The following PHF14 variants were observed in gnomAD, a reference collection of about 807,000 sequenced individuals.
PHF14 encodes PHD finger protein 14.
Under a neutral mutation model 117.9 loss-of-function variants are expected in PHF14, and 55 were observed. The observed-to-expected ratio is 0.47, with a 90% CI of 0.38 to 0.58. PHF14 has a LOEUF of 0.58. Among genes scored for constraint, PHF14 ranks in the 20% least tolerant of loss-of-function variants. PHF14 has a pLI of 0.00. For missense variants in PHF14, 978 were observed against 1,122.2 expected, an observed-to-expected ratio of 0.87 and a Z score of 1.84; for synonymous variants, 409 against 368.6, an observed-to-expected ratio of 1.11 and a Z score of -1.26.
At chr7:11,036,865 A>G in intron 9 of PHF14, 120 bp from the exon 10 acceptor site, 4 of 936,260 alleles carry the variant, frequency 4.3e-6, no homozygotes, top group Admixed American at 5.7e-5. Context: ...TTTATTTGTA[A>G]ATATACTTAA....
intron 16 of PHF14, chr7:11,104,049 A>G: frequency 3.0e-6 from 3 of 984,754 alleles, no homozygotes; most frequent in Non-Finnish European, 3.6e-6. Context: ...AGTGGAATAT[A>G]CTAATCCATT....
chr7:10,988,037 AAG>A (rs1782288786), intron 3 of PHF14, among the ~76,000 whole-genome samples: 1 of 151,596 alleles, frequency 6.6e-6, no homozygotes, highest in Non-Finnish European at 1.5e-5. Flanking sequence ...AAAAAAGAAA[AAG>A]AAAAAAAAGA....
chr7:11,070,204 A>G (rs1012017097), intron 16 of PHF14, among the ~76,000 whole-genome samples: 1 of 151,462 alleles, frequency 6.6e-6, no homozygotes, highest in Non-Finnish European at 1.5e-5. Flanking sequence ...CAGCCTCCTT[A>G]GTAGCTGTGA....
At chr7:11,005,328 T>C (rs1251629515) in intron 4 of PHF14, among the ~76,000 whole-genome samples, 1 of 152,200 alleles carries the variant, frequency 6.6e-6, no homozygotes, top group Non-Finnish European at 1.5e-5. Flanking sequence ...TGTAAAGAAA[T>C]TCTCTTCCCC....
intron 10 of PHF14, among the ~76,000 whole-genome samples, chr7:11,037,781 G>A (rs1221322839): frequency 2.0e-5 from 3 of 152,136 alleles, no homozygotes; most frequent in East Asian, 1.9e-4. Flanking sequence ...TAGGAAGTAC[G>A]TTTCCAATAA....
At chr7:11,122,402 T>C (rs1348690058) in intron 17 of PHF14, among the ~76,000 whole-genome samples, 26 of 118,470 alleles carry the variant, frequency 2.2e-4, no homozygotes, top group Admixed American at 4.7e-4. Context: ...CACACACATA[T>C]ATATATACAC....
intron 6 of PHF14, among the ~76,000 whole-genome samples, chr7:11,024,869 T>C (rs1349996733): frequency 1.3e-5 from 2 of 152,264 alleles, no homozygotes; most frequent in African/African-American, 4.8e-5. Flanking sequence ...AGGAGTCATT[T>C]TGACTTTAAA....
rs140788376 is a variant in PHF14, at chr7:11,156,178, A to C, written c.2773-13238A>C. ...ATAAAAGCAAAGTAGTAGCTAAGAC[A>C]TAACCAGTAAATCCAAGATGTGGAA... On this transcript the variant is annotated intron_variant, in intron 17 of 17. Coordinates refer to ENST00000634607, the MANE Select transcript of PHF14 (RefSeq NM_001007157.2). Among the ~76,000 whole-genome samples the C allele has an allele frequency of 1.2e-3, 184 of 152,342 alleles. 2 individuals are homozygous for C. Among genetic ancestry groups the C allele is most frequent in the African/African-American group, 4.4e-3 (181 of 41,590 alleles).
intron 4 of PHF14, among the ~76,000 whole-genome samples, chr7:11,004,926 A>G (rs1375592740): frequency 1.3e-5 from 2 of 152,040 alleles, no homozygotes; most frequent in Admixed American, 6.6e-5. Context: ...CTGAGGCACA[A>G]GAATAGCTTG....
chr7:11,097,333 A>G (rs1786915275), intron 16 of PHF14, among the ~76,000 whole-genome samples: 1 of 152,188 alleles, frequency 6.6e-6, no homozygotes, highest in Non-Finnish European at 1.5e-5. Context: ...GAGAATTATT[A>G]TGACACCTAA....
At chr7:11,165,481 A>T (rs139032478) in intron 17 of PHF14, among the ~76,000 whole-genome samples, 3,015 of 152,334 alleles carry the variant, frequency 0.02, 43 homozygotes, top group Non-Finnish European at 0.031. Flanking sequence ...TATAAAGAAT[A>T]GGGAGAGTTG....
intron 16 of PHF14, chr7:11,105,029 T>C (rs1289100187): frequency 3.3e-6 from 3 of 895,642 alleles, no homozygotes; most frequent in African/African-American, 3.6e-5. Context: ...TTATAAAATT[T>C]AGTTAAATGT....
chr7:11,103,209 ATTT>A, intron 16 of PHF14: 1 of 957,580 alleles, frequency 1.0e-6, no homozygotes, highest in Non-Finnish European at 1.2e-6. Context: ...TTAGCATGAA[ATTT>A]TTACTTCAGA....
intron 7 of PHF14, among the ~76,000 whole-genome samples, chr7:11,033,836 C>G (rs1017021964): frequency 6.6e-6 from 1 of 152,090 alleles, no homozygotes; most frequent in Non-Finnish European, 1.5e-5. Context: ...ATCTCTGTCA[C>G]CAAGATTTAG....
chr7:11,122,282 A>G (rs1787777287), intron 17 of PHF14, among the ~76,000 whole-genome samples: 1 of 145,560 alleles, frequency 6.9e-6, no homozygotes, highest in Admixed American at 6.9e-5. Context: ...GGTAACTGAA[A>G]CCTGGGAAAG....
At chr7:11,007,681 TTAAATAA>T (rs1783172005) in intron 4 of PHF14, among the ~76,000 whole-genome samples, 5 of 152,310 alleles carry the variant, frequency 3.3e-5, no homozygotes, top group African/African-American at 4.8e-5. Flanking sequence ...TACATGAATA[TTAAATAA>T]AATGTGGAAA....
At chr7:11,023,479 A>G (rs764005957) in intron 6 of PHF14, among the ~76,000 whole-genome samples, 11 of 152,240 alleles carry the variant, frequency 7.2e-5, no homozygotes, top group South Asian at 2.1e-4. Flanking sequence ...GTGTTCCCCT[A>G]TCTTTCTCCC....
chr7:11,088,243 C>T (rs1430755812), intron 16 of PHF14, among the ~76,000 whole-genome samples: 1 of 151,794 alleles, frequency 6.6e-6, no homozygotes, highest in African/African-American at 2.4e-5. Flanking sequence ...GTTGTTATAC[C>T]ATATTTTTTT....
chr7:11,099,124 T>G (rs1343695108), intron 16 of PHF14, among the ~76,000 whole-genome samples: 1 of 152,136 alleles, frequency 6.6e-6, no homozygotes, highest in Non-Finnish European at 1.5e-5. Flanking sequence ...TAAGGTGGTA[T>G]TCTGATGAAA....
Sources: gnomAD v4.1 joint callset for allele counts (sites outside exome capture counted in the v4.1 genomes callset) on GRCh38, gnomAD v4.1.1 for gene constraint, MANE v1.5 for transcripts, NCBI Gene and HGNC (gene_info 2026-07-23, HGNC 2026-07-21) for gene names.